The following NSMAF variants were observed in gnomAD, a reference collection of about 807,000 sequenced individuals.
NSMAF encodes protein FAN.
NSMAF carries 90 observed loss-of-function variants against 134.9 expected under a neutral mutation model. That is an observed-to-expected ratio of 0.67 (90% CI 0.56 to 0.79). The LOEUF (loss-of-function observed/expected upper bound fraction) is 0.79, where lower values mean the gene tolerates loss of function less well. Among genes scored for constraint, NSMAF ranks in the 30% least tolerant of loss-of-function variants. NSMAF has a pLI of 0.00. For synonymous variants in NSMAF, 358 were observed against 389.6 expected, an observed-to-expected ratio of 0.92 and a Z score of 0.96; for missense variants, 1,010 against 1,119.0, an observed-to-expected ratio of 0.90 and a Z score of 1.39.
chr8:58,622,922 A>C (rs1250873529), intron 9 of NSMAF, among the ~76,000 whole-genome samples: 1 of 152,116 alleles, frequency 6.6e-6, no homozygotes, highest in Non-Finnish European at 1.5e-5. Flanking sequence ...GGTGAACTAA[A>C]AGCTGTGCTA....
At chr8:58,607,873 T>C (rs2129142163) in intron 10 of NSMAF, 33 bp from the exon 11 acceptor site, 3 of 1,539,274 alleles carry the variant, frequency 1.9e-6, no homozygotes, top group Non-Finnish European at 2.7e-6. Context: ...TCAAACATTA[T>C]TGTTCTGACA....
intron 1 of NSMAF, among the ~76,000 whole-genome samples, chr8:58,656,861 GTATA>G (rs1263561757): frequency 5.3e-5 from 8 of 151,860 alleles, no homozygotes; most frequent in Non-Finnish European, 1.2e-4. Context: ...ATTAGTATAA[GTATA>G]TACCAAATAT....
chr8:58,614,908 C>T (rs1234082000), intron 9 of NSMAF, among the ~76,000 whole-genome samples: 1 of 151,960 alleles, frequency 6.6e-6, no homozygotes, highest in Non-Finnish European at 1.5e-5. Context: ...CAGAGATTGT[C>T]AGAATGCATA....
At chr8:58,593,675 A>G (rs77985891) in intron 23 of NSMAF, among the ~76,000 whole-genome samples, 4,594 of 152,334 alleles carry the variant, frequency 0.03, 128 homozygotes, top group East Asian at 0.078. Context: ...TGGTGTATAT[A>G]GTAAGGGATG....
In NSMAF at chr8:58,635,387, G is replaced by A; in HGVS notation, c.229-15C>T. ...CTCAAAGGAATCTGGATAAAATTGA[G>A]AGAAATATTATAAAAATCAAGAAAG... On this transcript the variant is annotated splice_polypyrimidine_tract_variant and intron_variant, in intron 3 of 30. Coordinates refer to ENST00000038176, the MANE Select transcript of NSMAF (RefSeq NM_003580.4). The A allele has an allele frequency of 6.3e-7, 1 of 1,586,942 alleles. No homozygotes were observed. The highest frequency in any genetic ancestry group is 8.6e-7 in the Non-Finnish European group (1 of 1,168,882).
At chr8:58,645,434 G>T (rs1209695398) in intron 1 of NSMAF, among the ~76,000 whole-genome samples, 1 of 152,130 alleles carries the variant, frequency 6.6e-6, no homozygotes, top group East Asian at 1.9e-4. Flanking sequence ...CAGGAGTCTG[G>T]TACATTAGTT....
At chr8:58,655,615 A>G (rs1390329412) in intron 1 of NSMAF, among the ~76,000 whole-genome samples, 1 of 152,108 alleles carries the variant, frequency 6.6e-6, no homozygotes, top group Non-Finnish European at 1.5e-5. Flanking sequence ...TCCCTGACAA[A>G]TCCAAGGAAG....
chr8:58,635,028 G>A (rs992507186), intron 5 of NSMAF, among the ~76,000 whole-genome samples, 161 bp downstream of exon 5: 2 of 152,150 alleles, frequency 1.3e-5, no homozygotes, highest in African/African-American at 4.8e-5. Context: ...GCTCATTAGG[G>A]ATCACATCTT....
intron 9 of NSMAF, among the ~76,000 whole-genome samples, chr8:58,614,590 C>G (rs1362254861): frequency 1.3e-5 from 2 of 152,222 alleles, no homozygotes; most frequent in Non-Finnish European, 2.9e-5. Context: ...TGTCCTGCCT[C>G]TGTATCCCTG....
At chr8:58,605,779 C>G in intron 12 of NSMAF, 148 bp downstream of exon 12, 1 of 839,700 alleles carries the variant, frequency 1.2e-6, no homozygotes, top group Non-Finnish European at 1.6e-6. Context: ...ACTCGGGAGG[C>G]TGAGGCACAA....
Position 58,639,895 on chromosome 8 carries a change from G to T in NSMAF, c.149+3089C>A, listed in dbSNP as rs553239048. ...TAAGTAAAATAAGCCAGCCACAGAA[G>T]GACAAATACTACATGATTTCACGTA... On this transcript the variant is annotated intron_variant, in intron 2 of 30. Coordinates refer to ENST00000038176, the MANE Select transcript of NSMAF (RefSeq NM_003580.4). 1.5e-3 allele frequency: 460 copies of T among 307,308 alleles called. 4 individuals are homozygous for T. Among genetic ancestry groups the T allele is most frequent in the African/African-American group, 9.7e-3 (439 of 45,278 alleles). The allele number at this position is 307,308 out of a possible 1,614,324, so 19.0% of individuals were successfully genotyped here.
chr8:58,630,680 A>C (rs1490422967), intron 6 of NSMAF, among the ~76,000 whole-genome samples: 1 of 152,228 alleles, frequency 6.6e-6, no homozygotes, highest in Non-Finnish European at 1.5e-5. Flanking sequence ...TGCCAAAAGC[A>C]CCACTTGAGA....
In NSMAF at chr8:58,609,640, G is replaced by A. The variant is rs1806481646; in HGVS notation, c.651C>T (p.Asp217=). 3 of 1,614,166 alleles carry A rather than the reference G, an allele frequency of 1.9e-6. No homozygotes were observed. Among genetic ancestry groups the A allele is most frequent in the Non-Finnish European group, 2.5e-6 (3 of 1,179,990 alleles). The change falls in exon 10 of 31, where the codon GAC becomes GAT. Residue 217 remains aspartate, a synonymous_variant. Transcript: ENST00000038176. ...TGAGGGGCTGAAAATACAGGTTTGT[G>A]TCCGTGATGCACACGTGTCCAGGAT... is the stretch of plus-strand genomic sequence containing the variant. The part of the protein sequence containing the change: ...VTNPGHVCIT[D]TNLYFQPLNG...
At chr8:58,593,461 A>G (rs1806064687) in intron 23 of NSMAF, among the ~76,000 whole-genome samples, 1 of 152,230 alleles carries the variant, frequency 6.6e-6, no homozygotes, top group South Asian at 2.1e-4. Context: ...ATCTCCTATG[A>G]TAAAGACTAA....
intron 22 of NSMAF, chr8:58,594,530 C>A: frequency 1.9e-6 from 1 of 524,870 alleles, no homozygotes; most frequent in East Asian, 3.1e-5. Flanking sequence ...GTTCCACATG[C>A]AATGCTTTAC....
At chr8:58,597,610 G>A (rs550194911) in intron 20 of NSMAF, 60 bp from the exon 21 acceptor site, 31 of 1,481,506 alleles carry the variant, frequency 2.1e-5, no homozygotes, top group African/African-American at 1.8e-4. Flanking sequence ...TTGAAAGCAC[G>A]CATTTCAAAT....
chr8:58,595,482 A>G lies in NSMAF; in HGVS notation c.1892+78T>C, dbSNP rs958538226. On this transcript the variant is annotated intron_variant, in intron 22 of 30. Coordinates refer to ENST00000038176, the MANE Select transcript of NSMAF (RefSeq NM_003580.4). Reference sequence around the variant, plus strand: ...GGAATTTTCCCTCTGACTCAGCTTAAAACAGTTTAATCCCATGCCAAGACC... The same window carrying G: ...GGAATTTTCCCTCTGACTCAGCTTAGAACAGTTTAATCCCATGCCAAGACC... The G allele has an allele frequency of 3.0e-6, 3 of 995,984 alleles. No individual in the cohort carries two copies. In the African/African-American group the frequency reaches 4.8e-5, roughly 16 times the overall value. 61.7% of individuals were successfully genotyped at this position (995,984 alleles called of 1,614,324 possible).
chr8:58,594,329 T>A, intron 22 of NSMAF, 39 bp from the exon 23 acceptor site: 1 of 1,533,840 alleles, frequency 6.5e-7, no homozygotes, highest in Non-Finnish European at 9.0e-7. Flanking sequence ...CTACTCATCA[T>A]GTGTTAGGAT....
chr8:58,591,101 C>A, intron 23 of NSMAF, 167 bp from the exon 24 acceptor site: 1 of 641,158 alleles, frequency 1.6e-6, no homozygotes, highest in Non-Finnish European at 2.3e-6. Context: ...CCTAAGGCCT[C>A]ATCCAACATT....
Sources: gnomAD v4.1 joint callset for allele counts (sites outside exome capture counted in the v4.1 genomes callset) on GRCh38, gnomAD v4.1.1 for gene constraint, MANE v1.5 for transcripts, NCBI Gene and HGNC (gene_info 2026-07-23, HGNC 2026-07-21) for gene names.